Variants in TREM2 observed in about 807,000 individuals in gnomAD.
The protein encoded by TREM2 is triggering receptor expressed on monocytes 2.
In TREM2, 20 loss-of-function variants were observed where a neutral mutation model predicts 22.9. The ratio of observed to expected loss-of-function variants is 0.87; its 90% CI spans 0.61 to 1.27. The LOEUF is 1.27. TREM2 is among the 50% of genes most tolerant of loss of function. The probability of loss-of-function intolerance (pLI) is 0.00; values close to 1 mark genes in which losing one functional copy is unlikely to be tolerated. For missense variants in TREM2, 267 were observed against 289.0 expected, an observed-to-expected ratio of 0.92 and a Z score of 0.55; for synonymous variants, 111 against 120.9, an observed-to-expected ratio of 0.92 and a Z score of 0.54.
chr6:41,159,378 A>T (rs1203139964), intron 3 of TREM2, among the ~76,000 whole-genome samples: 2 of 152,210 alleles, frequency 1.3e-5, no homozygotes, highest in Admixed American at 6.5e-5. Flanking sequence ...AACAACGTTT[A>T]AACACCAGTA....
chr6:41,162,388 C>T (rs1582080960), intron 1 of TREM2, among the ~76,000 whole-genome samples: 2 of 152,356 alleles, frequency 1.3e-5, no homozygotes, highest in East Asian at 3.9e-4. Flanking sequence ...TGACCACCAT[C>T]TAAGAAGCTG....
In TREM2 at chr6:41,161,543, G is replaced by C; in HGVS notation, c.111C>G (p.Pro37=). Residue 37 remains proline, a synonymous_variant, in exon 2 of 5, where the codon CCC becomes CCG. Transcript: ENST00000373113. ...VAGQSLQVSC[P]YDSMKHWGRR... is the part of the protein sequence containing the mutation. The stretch of plus-strand genomic sequence containing the variant: ...TCCCCCAGTGCTTCATGGAGTCATA[G>C]GGGCAAGACACCTGCAGGGACTGGC... The C allele has an allele frequency of 6.2e-7, 1 of 1,614,172 alleles. No individual in the cohort carries two copies. Among genetic ancestry groups the C allele is most frequent in the Non-Finnish European group, 8.5e-7 (1 of 1,180,038 alleles).
rs1204635802 is a variant in TREM2 at position 41,158,540 on chromosome 6, G to T, written c.*224C>A. On this transcript the variant is annotated 3_prime_UTR_variant, in exon 5 of 5. Transcript: ENST00000373113. ...AAATATGACAGTCTTGGATTTATTT[G>T]TAAGTGTTTAAAATGTCCAATATTC... is the stretch of plus-strand genomic sequence containing the variant. 5.0e-5 allele frequency: 73 copies of T among 1,463,236 alleles called. No homozygotes were observed. The highest frequency in any genetic ancestry group is 6.7e-5 in the Non-Finnish European group (73 of 1,083,210). 90.6% of individuals were successfully genotyped at this position (1,463,236 alleles called of 1,614,324 possible).
rs1026325039 is a variant in TREM2 at position 41,160,017 on chromosome 6, A to G, written c.392-135T>C. The G allele has an allele frequency of 4.3e-6, 3 of 701,250 alleles. No individual in the cohort carries two copies. The African/African-American group carries it at 5.3e-5, about 12-fold the overall frequency. The allele number at this position is 701,250 out of a possible 1,614,324, so 43.4% of individuals were successfully genotyped here. A position where few individuals can be genotyped will look rare whatever the true frequency, so the allele number is the denominator to read the frequency against. On this transcript the variant is annotated intron_variant, in intron 2 of 4. Transcript: ENST00000373113. ...TATGTGGATCAGGTCATTACACTCC[A>G]TAAGCCTCAGTTTCCCCACTTATAA...
chr6:41,159,506 T>C (rs1470446463), intron 3 of TREM2, among the ~76,000 whole-genome samples: 1 of 152,070 alleles, frequency 6.6e-6, no homozygotes. Context: ...TGGGGATGTC[T>C]GGGGGCTGCC....
At chr6:41,160,250 T>G (rs2113878755) in intron 2 of TREM2, among the ~76,000 whole-genome samples, 1 of 152,254 alleles carries the variant, frequency 6.6e-6, no homozygotes, top group African/African-American at 2.4e-5. Flanking sequence ...TATGGGCTAC[T>G]TTTATTTTTC....
rs777808487 is a variant in TREM2 at position 41,161,607 on chromosome 6, G to A, written c.47C>T (p.Ser16Phe). 1.1e-5 allele frequency: 18 copies of A among 1,613,052 alleles called. No homozygotes were observed. The highest frequency in any genetic ancestry group is 1.4e-5 in the Non-Finnish European group (17 of 1,179,584). Reference sequence around the variant, plus strand: ...GAACACTGTGGTGTTGTGGGCTCCGGACAGCTCTGGGGAGGAGACATTCAT... The same window carrying A: ...GAACACTGTGGTGTTGTGGGCTCCGAACAGCTCTGGGGAGGAGACATTCAT... ...LLILLFVTEL[S>F]GAHNTTVFQG... The change falls in exon 2 of 5, where the codon TCC (serine) becomes TTC (phenylalanine). Residue 16 changes from serine (S) to phenylalanine (F), a missense_variant. Physicochemically the swap from Ser to Phe is radical, Grantham distance 155. Transcript: ENST00000373113.
chr6:41,161,878 G>A (rs1405858206), intron 1 of TREM2, among the ~76,000 whole-genome samples: 7 of 151,880 alleles, frequency 4.6e-5, no homozygotes, highest in East Asian at 3.9e-4. Context: ...GAGGCACTTG[G>A]TCTTAAAACC....
rs1765569240 is a variant in TREM2, at chr6:41,161,587, CTG to C, written c.65_66del (p.Thr22SerfsTer17). Reference protein sequence around the residue: ...VTELSGAHNTTVFQGVAGQSL... With the variant: ...VTELSGAHNTXVFQGVAGQSL... ...GACTGGCCCGCCACGCCCTGGAACACTGTGGTGTTGTGGGCTCCGGACAGCTC... is the reference window on the plus strand; with the variant it reads ...GACTGGCCCGCCACGCCCTGGAACACTGGTGTTGTGGGCTCCGGACAGCTC... On this transcript the variant is annotated frameshift_variant, in exon 2 of 5. Transcript: ENST00000373113. LOFTEE classifies it high-confidence loss of function. 4 of 1,613,970 alleles carry C rather than the reference CTG, an allele frequency of 2.5e-6. No homozygotes were observed. The highest frequency in any genetic ancestry group is 2.2e-5 in the East Asian group (1 of 44,902).
Position 41,158,871 on chromosome 6 carries a change from A to G in TREM2, c.676+2T>C. On this transcript the variant is annotated splice_donor_variant, in intron 4 of 4. Transcript: ENST00000373113. LOFTEE classifies it high-confidence loss of function. ...CTTGATGGCTGTGCTCTCCAAGCCC[A>G]CCTGGCAGAGTTTGGAGCTGATACC... is the stretch of plus-strand genomic sequence containing the variant. 6.2e-7 allele frequency: 1 copy of G among 1,614,126 alleles called. No individual in the cohort carries two copies. Among genetic ancestry groups the G allele is most frequent in the South Asian group, 1.1e-5 (1 of 91,084 alleles).
Position 41,161,290 on chromosome 6 carries a change from T to A in TREM2, c.364A>T (p.Arg122Trp). The A allele has an allele frequency of 5.6e-6, 9 of 1,614,130 alleles. No homozygotes were observed. Among genetic ancestry groups the A allele is most frequent in the Non-Finnish European group, 7.6e-6 (9 of 1,179,976 alleles). Residue 122 changes from arginine (R) to tryptophan (W), a missense_variant, in exon 2 of 5, where the codon AGG becomes TGG. Transcript: ENST00000373113. ...GCCAGCACCTCCACCAGGACCTTCC[T>A]GAGGGTGTCAGCCTCACTGCCATGG... is the stretch of plus-strand genomic sequence containing the variant. ...SLHGSEADTL[R>W]KVLVEVLADP...
chr6:41,161,420 C>T lies in TREM2; in HGVS notation c.234G>A (p.Trp78Ter). 6.2e-7 allele frequency: 1 copy of T among 1,614,230 alleles called. No homozygotes were observed. The highest frequency in any genetic ancestry group is 8.5e-7 in the Non-Finnish European group (1 of 1,180,054). Residue 78 changes from tryptophan to a stop codon, truncating the protein, a stop_gained, in exon 2 of 5, where the codon TGG becomes TGA. Coordinates refer to ENST00000373113, the MANE Select transcript of TREM2 (RefSeq NM_018965.4). LOFTEE classifies it high-confidence loss of function. ...NLWLLSFLRR[W>*]NGSTAITDDT... The stretch of plus-strand genomic sequence containing the variant: ...CGTCTGTGATGGCTGTGCTCCCATT[C>T]CACCTCCTCAGGAAGGACAGCAGCC...
intron 4 of TREM2, 42 bp downstream of exon 4, chr6:41,158,831 C>A: frequency 3.7e-6 from 6 of 1,614,210 alleles, no homozygotes; most frequent in South Asian, 3.3e-5. Context: ...GCCTCCCATC[C>A]CTGCCCAGTC....
At chr6:41,159,195 T>C in intron 3 of TREM2, 129 bp from the exon 4 acceptor site, 3 of 1,135,794 alleles carry the variant, frequency 2.6e-6, no homozygotes, top group South Asian at 2.7e-5. Flanking sequence ...ATCCCTGGGA[T>C]GGGCCTTTTT....
At chr6:41,159,746 G>T in intron 3 of TREM2, 46 bp downstream of exon 3, 1 of 1,574,436 alleles carries the variant, frequency 6.4e-7, no homozygotes, top group Non-Finnish European at 8.7e-7. Context: ...GGGCTCTGCA[G>T]GGTGGAAGTC....
At chr6:41,159,414 A>G (rs148455871) in intron 3 of TREM2, among the ~76,000 whole-genome samples, 35 of 152,298 alleles carry the variant, frequency 2.3e-4, no homozygotes, top group African/African-American at 8.2e-4. Flanking sequence ...GTCAGAACTG[A>G]TTCTGGTCCT....
chr6:41,158,705 G>C lies in TREM2; in HGVS notation c.*59C>G. 1 of 1,614,178 alleles carries C rather than the reference G, an allele frequency of 6.2e-7. No individual in the cohort carries two copies. On this transcript the variant is annotated 3_prime_UTR_variant, in exon 5 of 5. Transcript: ENST00000373113. The stretch of plus-strand genomic sequence containing the variant: ...GTCCTGGTGGCCAAGTGGCAAGTAT[G>C]CAGGCTGGGCTGGTCCCTGGTGGGA...
chr6:41,160,097 G>T (rs1423996480), intron 2 of TREM2, among the ~76,000 whole-genome samples: 2 of 152,120 alleles, frequency 1.3e-5, no homozygotes, highest in African/African-American at 4.8e-5. Flanking sequence ...TTCCGTGAGG[G>T]CACCTCTGTG....
chr6:41,161,146 C>T, intron 2 of TREM2, 117 bp downstream of exon 2: 1 of 946,534 alleles, frequency 1.1e-6, no homozygotes, highest in Non-Finnish European at 1.6e-6. Flanking sequence ...GAGATGAGAC[C>T]ATACGATGGG....
Sources: gnomAD v4.1 joint callset for allele counts (sites outside exome capture counted in the v4.1 genomes callset) on GRCh38, gnomAD v4.1.1 for gene constraint, MANE v1.5 for transcripts, NCBI Gene and HGNC (gene_info 2026-07-23, HGNC 2026-07-21) for gene names.